Variants in SLCO3A1 observed in about 807,000 individuals in gnomAD.
The protein encoded by SLCO3A1 is solute carrier organic anion transporter family member 3A1.
In SLCO3A1, 27 loss-of-function variants were observed where a neutral mutation model predicts 63.1. That is an observed-to-expected ratio of 0.43 (90% CI 0.32 to 0.59). SLCO3A1 has a LOEUF of 0.59. Ranked by LOEUF, SLCO3A1 falls within the 20% of genes least tolerant of loss-of-function variation. The pLI is 0.09. For missense variants in SLCO3A1, 773 were observed against 945.8 expected (o/e 0.82, Z 2.40); for synonymous variants, 473 against 409.9 (o/e 1.15, Z -1.86).
At chr15:92,068,774 C>G (rs1183910028) in intron 2 of SLCO3A1, among the ~76,000 whole-genome samples, 2 of 152,184 alleles carry the variant, frequency 1.3e-5, no homozygotes, top group Non-Finnish European at 2.9e-5. Context: ...AGAAAGATCC[C>G]AAGTGAAGCT....
intron 1 of SLCO3A1, among the ~76,000 whole-genome samples, chr15:91,868,314 A>G (rs1018897768): frequency 6.8e-6 from 1 of 147,470 alleles, no homozygotes; most frequent in Admixed American, 6.7e-5. Context: ...GGCCTCACAA[A>G]GTGCTGGGAT....
At position 92,010,686 on chromosome 15, in the gene SLCO3A1, C is replaced by T. The variant is rs368474422; in HGVS notation, c.647-84195C>T. Among the ~76,000 whole-genome samples, 44 of 152,190 alleles carry T rather than the reference C, an allele frequency of 2.9e-4. No individual in the cohort carries two copies. In the South Asian group the frequency reaches 6.2e-3, roughly 22 times the overall value. ...TTGATGTCAGTGGGGATCAAATGTTCGGCTGGACTTAATTTTTTATGAGCC... is the reference window on the plus strand; with the variant it reads ...TTGATGTCAGTGGGGATCAAATGTTTGGCTGGACTTAATTTTTTATGAGCC... On this transcript the variant is annotated intron_variant, in intron 2 of 9. Coordinates refer to ENST00000318445, the MANE Select transcript of SLCO3A1 (RefSeq NM_013272.4).
At chr15:91,969,955 G>A (rs1393490279) in intron 2 of SLCO3A1, among the ~76,000 whole-genome samples, 1 of 152,182 alleles carries the variant, frequency 6.6e-6, no homozygotes, top group Non-Finnish European at 1.5e-5. Context: ...AGCTAGTTCT[G>A]TGTGTGTCAA....
intron 1 of SLCO3A1, among the ~76,000 whole-genome samples, chr15:91,891,367 G>A (rs1164264561): frequency 1.3e-5 from 2 of 152,098 alleles, no homozygotes; most frequent in Non-Finnish European, 2.9e-5. Context: ...TGATCCATGA[G>A]CAGATAAAAA....
At chr15:91,936,169 C>T (rs999327275) in intron 2 of SLCO3A1, among the ~76,000 whole-genome samples, 2 of 152,178 alleles carry the variant, frequency 1.3e-5, no homozygotes, top group African/African-American at 4.8e-5. Context: ...TAGGAAGTGA[C>T]ATGAATAGGT....
At position 91,963,727 on chromosome 15, in the gene SLCO3A1, G is replaced by T. The variant is rs562531825; in HGVS notation, c.646+47269G>T. Among the ~76,000 whole-genome samples the T allele has an allele frequency of 1.6e-3, 236 of 152,104 alleles. 1 individual carries two copies. The highest frequency in any genetic ancestry group is 5.5e-3 in the African/African-American group (229 of 41,476). The stretch of plus-strand genomic sequence containing the variant: ...GGAGTTTCTTCCTTTTGGTGGGTTC[G>T]TGGTCTCGCTGACTTCAGGAGTCAT... On this transcript the variant is annotated intron_variant, in intron 2 of 9. Transcript: ENST00000318445.
chr15:92,066,314 C>T (rs899606057), intron 2 of SLCO3A1, among the ~76,000 whole-genome samples: 1 of 152,248 alleles, frequency 6.6e-6, no homozygotes, highest in Non-Finnish European at 1.5e-5. Context: ...ATCCTGGCTT[C>T]ACCAGTTACC....
Position 92,171,773 on chromosome 15 carries a change from C to G in SLCO3A1, c.1997-7C>G, listed in dbSNP as rs548964182. 1,169 of 1,547,914 alleles carry G rather than the reference C, an allele frequency of 7.6e-4. 1 individual carries two copies. The highest frequency in any genetic ancestry group is 9.6e-4 in the Non-Finnish European group (1,101 of 1,143,614). ...CTCTTGGCTCTTCTTCCCTCCTCCC[C>G]CTTTAGGCACAGAGTACCAAGACAT... is the stretch of plus-strand genomic sequence containing the variant. On this transcript the variant is annotated splice_polypyrimidine_tract_variant and splice_region_variant and intron_variant, in intron 10 of 10. Coordinates refer to the SLCO3A1 transcript ENST00000424469.
intron 2 of SLCO3A1, among the ~76,000 whole-genome samples, chr15:92,062,353 C>G (rs907652112): frequency 6.6e-6 from 1 of 152,112 alleles, no homozygotes; most frequent in African/African-American, 2.4e-5. Flanking sequence ...GTCAGTCATC[C>G]TGGGAAAAGC....
intron 2 of SLCO3A1, among the ~76,000 whole-genome samples, chr15:92,080,040 C>T (rs2047323690): frequency 6.6e-6 from 1 of 152,258 alleles, no homozygotes; most frequent in Admixed American, 6.5e-5. Flanking sequence ...CATGTGCCTT[C>T]ACCCTGGTAA....
chr15:92,097,486 A>C (rs143556319), intron 3 of SLCO3A1, among the ~76,000 whole-genome samples: 29 of 152,134 alleles, frequency 1.9e-4, no homozygotes, highest in African/African-American at 6.5e-4. Context: ...TTCCCATCTT[A>C]CTGTGTTCGG....
Position 92,165,280 on chromosome 15 carries a change from G to C in SLCO3A1, c.*2145G>C. The C allele has an allele frequency of 1.0e-6, 1 of 985,394 alleles. No individual in the cohort carries two copies. The allele number at this position is 985,394 out of a possible 1,614,324, so 61.0% of individuals were successfully genotyped here. A position where few individuals can be genotyped will look rare whatever the true frequency, so the allele number is the denominator to read the frequency against. ...CTTATGAAAATGGGGACACTCATCA[G>C]TACGTTAACTACTAAAGGGGAGATG... On this transcript the variant is annotated 3_prime_UTR_variant, in exon 10 of 10. Transcript: ENST00000318445.
In SLCO3A1 at chr15:91,878,692, G is replaced by A. The variant is rs550917247; in HGVS notation, c.180+24604G>A. Among the ~76,000 whole-genome samples, 11 of 152,186 alleles carry A rather than the reference G, an allele frequency of 7.2e-5. No homozygotes were observed. The East Asian group carries it at 7.7e-4, about 11-fold the overall frequency. On this transcript the variant is annotated intron_variant, in intron 1 of 9. Transcript: ENST00000318445. The stretch of plus-strand genomic sequence containing the variant: ...CATCCAGAACTGTCATCTCTTAGCC[G>A]TCTTTCTCACAACTCAAAGCGTAGA...
intron 9 of SLCO3A1, 141 bp downstream of exon 9, chr15:92,151,155 G>T: frequency 1.5e-6 from 1 of 661,084 alleles, no homozygotes. Flanking sequence ...GAAATTTTAA[G>T]TCTCAAAATT....
At chr15:92,093,407 G>T (rs557961514) in intron 2 of SLCO3A1, among the ~76,000 whole-genome samples, 49 of 152,278 alleles carry the variant, frequency 3.2e-4, no homozygotes, top group African/African-American at 1.1e-3. Context: ...TCACCAAGGG[G>T]GCGGTGCTGA....
chr15:91,948,896 C>G lies in SLCO3A1; in HGVS notation c.646+32438C>G, dbSNP rs956982289. Among the ~76,000 whole-genome samples, 1 of 152,110 alleles carries G rather than the reference C, an allele frequency of 6.6e-6. No homozygotes were observed. Among genetic ancestry groups the G allele is most frequent in the African/African-American group, 2.4e-5 (1 of 41,408 alleles). ...TCAATTCCTTTAATAACCTGAGGAACCTGTCATCCATTTAGGAATCAATAC... is the reference window on the plus strand; with the variant it reads ...TCAATTCCTTTAATAACCTGAGGAAGCTGTCATCCATTTAGGAATCAATAC... On this transcript the variant is annotated intron_variant, in intron 2 of 9. Transcript: ENST00000318445. This position sits in a 1 kb window ranked among gnomAD's most constrained non-coding sequence, Gnocchi z 4.8.
chr15:91,916,377 A>C lies in SLCO3A1; in HGVS notation c.565A>C (p.Ile189Leu). ...LLIGAQVLLG[I>L]GATPVQPLGV... ...CATTGGGGCCCAGGTGCTCCTGGGC[A>C]TCGGTGCTACCCCTGTGCAGCCCCT... is the stretch of plus-strand genomic sequence containing the variant. Residue 189 changes from isoleucine (I) to leucine (L), a missense_variant, in exon 2 of 10, where the codon ATC (isoleucine) becomes CTC (leucine). Around this residue, in one of 3 missense-constraint regions of SLCO3A1, gnomAD observed 565 missense variants for 749.8 expected, o/e 0.75. Transcript: ENST00000318445. This position sits in a 1 kb window ranked among gnomAD's most constrained non-coding sequence, Gnocchi z 6.2. 1 of 1,613,000 alleles carries C rather than the reference A, an allele frequency of 6.2e-7. No individual in the cohort carries two copies. Among genetic ancestry groups the C allele is most frequent in the Non-Finnish European group, 8.5e-7 (1 of 1,179,770 alleles).
At chr15:91,949,660 C>T (rs1899932010) in intron 2 of SLCO3A1, among the ~76,000 whole-genome samples, 1 of 151,840 alleles carries the variant, frequency 6.6e-6, no homozygotes, top group South Asian at 2.1e-4. Context: ...AGGTGAATTG[C>T]CAGCGTGGTT....
rs1899664587 is a variant in SLCO3A1, at chr15:91,942,703, G to C, written c.646+26245G>C. ...GGTGAAGGTAATTCCCAAGAAGCTG[G>C]AATTACAGGCGTGCACCACCACGCC... On this transcript the variant is annotated intron_variant, in intron 2 of 9. Transcript: ENST00000318445. The surrounding 1 kb of genome is among the most constrained non-coding windows in gnomAD (Gnocchi z 4.1). Among the ~76,000 whole-genome samples the C allele has an allele frequency of 1.3e-5, 2 of 152,162 alleles. No individual in the cohort carries two copies. Among genetic ancestry groups the C allele is most frequent in the Admixed American group, 1.3e-4 (2 of 15,272 alleles).
Sources: gnomAD v4.1 joint callset for allele counts (sites outside exome capture counted in the v4.1 genomes callset) on GRCh38, gnomAD v4.1.1 for gene constraint, gnomAD v4.1.1 regional missense constraint, Gnocchi (gnomAD v3.1) non-coding constraint, MANE v1.5 for transcripts, NCBI Gene and HGNC (gene_info 2026-07-23, HGNC 2026-07-21) for gene names.